The following ZSCAN23 variants were observed in gnomAD, a reference collection of about 807,000 sequenced individuals.
ZSCAN23 encodes zinc finger and SCAN domain containing 23, also known as zinc finger and SCAN domain-containing protein 23.
ZSCAN23 carries 19 observed loss-of-function variants against 19.3 expected under a neutral mutation model. The observed-to-expected ratio is 0.99, with a 90% CI of 0.69 to 1.45. The LOEUF (loss-of-function observed/expected upper bound fraction) is 1.45, where lower values mean the gene tolerates loss of function less well. Ranked by LOEUF, ZSCAN23 falls within the 40% of genes most tolerant of loss-of-function variation. The pLI, the probability that ZSCAN23 is intolerant of heterozygous loss-of-function variation, is 0.00. For synonymous variants in ZSCAN23, 140 were observed against 166.2 expected (o/e 0.84, Z 1.21); for missense variants, 372 against 462.5 (o/e 0.80, Z 1.79).
At chr6:28,427,992 C>T (rs1158271907), downstream of ZSCAN23, among the ~76,000 whole-genome samples, 3 of 152,176 alleles carry the variant, frequency 2.0e-5, no homozygotes, top group African/African-American at 4.8e-5. Flanking sequence ...GGCAGAATTA[C>T]TTGAACCCAG....
At chr6:28,422,684 G>A in the ZSCAN23 span, among the ~76,000 whole-genome samples, 2 of 150,890 alleles carry the variant, frequency 1.3e-5, no homozygotes, top group Non-Finnish European at 2.9e-5. The surrounding 1 kb of genome is among the most constrained non-coding windows in gnomAD (Gnocchi z 4.0). Flanking sequence ...AACCATGCAA[G>A]GTAACATGAG....
intron 1 of ZSCAN23, among the ~76,000 whole-genome samples, chr6:28,438,245 C>A (rs1323948641): frequency 6.6e-6 from 1 of 152,008 alleles, no homozygotes; most frequent in Non-Finnish European, 1.5e-5. Context: ...TACAGGCACC[C>A]ACTACCATGC....
At chr6:28,442,558 A>G (rs1238290710) in intron 1 of ZSCAN23, among the ~76,000 whole-genome samples, 2 of 152,218 alleles carry the variant, frequency 1.3e-5, no homozygotes, top group Non-Finnish European at 2.9e-5. Context: ...ATTCTCTCCA[A>G]TCAAATCCTA....
chr6:28,434,250 A>G lies in ZSCAN23; in HGVS notation c.*215T>C. The G allele has an allele frequency of 1.4e-5, 7 of 517,680 alleles. No individual in the cohort carries two copies. Among genetic ancestry groups the G allele is most frequent in the Non-Finnish European group, 2.0e-5 (6 of 299,926 alleles). 32.1% of individuals were successfully genotyped at this position (517,680 alleles called of 1,614,324 possible). On this transcript the variant is annotated 3_prime_UTR_variant, in exon 4 of 4. Transcript: ENST00000289788. ...CAGATGTGTGTGAAACTAGGTCTAC[A>G]GCATACATGATGAAATCAACACAAG...
intron 1 of ZSCAN23, among the ~76,000 whole-genome samples, chr6:28,441,553 G>T (rs1181846521): frequency 3.3e-5 from 5 of 151,748 alleles, no homozygotes; most frequent in South Asian, 2.1e-4. Flanking sequence ...TCTTCCAACT[G>T]CCCACTCATA....
chr6:28,429,725 T>A (rs1761721194), downstream of ZSCAN23, among the ~76,000 whole-genome samples: 1 of 151,992 alleles, frequency 6.6e-6, no homozygotes, highest in South Asian at 2.1e-4. Context: ...AAAATCCTGA[T>A]CCTGAGAGAT....
At chr6:28,425,813 T>C in the ZSCAN23 span, among the ~76,000 whole-genome samples, 3 of 152,348 alleles carry the variant, frequency 2.0e-5, no homozygotes, top group East Asian at 1.9e-4. Flanking sequence ...ATTAAAAATA[T>C]GTTGTTTAGT....
At chr6:28,421,807 A>G in the ZSCAN23 span, among the ~76,000 whole-genome samples, 1 of 152,134 alleles carries the variant, frequency 6.6e-6, no homozygotes, top group East Asian at 1.9e-4. Context: ...CATATATTAA[A>G]AGAAACTTAG....
At position 28,434,290 on chromosome 6, in the gene ZSCAN23, A is replaced by G. The variant is rs41270587; in HGVS notation, c.*175T>C. The G allele has an allele frequency of 9.0e-3, 5,953 of 659,500 alleles. 45 individuals are homozygous for G. The highest frequency in any genetic ancestry group is 0.047 in the Middle Eastern group (125 of 2,670). The allele number at this position is 659,500 out of a possible 1,614,324, so 40.9% of individuals were successfully genotyped here. A position where few individuals can be genotyped will look rare whatever the true frequency, so the allele number is the denominator to read the frequency against. ...ATCAACACAAGAGGCAACATTCAGT[A>G]TTGCAAAGCTGTGGATGTCACTGAT... On this transcript the variant is annotated 3_prime_UTR_variant, in exon 4 of 4. Coordinates refer to ENST00000289788, the MANE Select transcript of ZSCAN23 (RefSeq NM_001012455.2).
chr6:28,424,474 C>A, the ZSCAN23 span, among the ~76,000 whole-genome samples: 1 of 152,174 alleles, frequency 6.6e-6, no homozygotes, highest in Non-Finnish European at 1.5e-5. Flanking sequence ...TGAACTATTT[C>A]TCTGTGGTAT....
At chr6:28,435,828 G>C in intron 2 of ZSCAN23, 31 bp downstream of exon 2, 1 of 1,528,294 alleles carries the variant, frequency 6.5e-7, no homozygotes, top group Non-Finnish European at 8.8e-7. Flanking sequence ...TGTTCTTATA[G>C]GTACAAATCC....
the ZSCAN23 span, among the ~76,000 whole-genome samples, chr6:28,422,707 T>TAA: frequency 7.3e-6 from 1 of 136,376 alleles, no homozygotes; most frequent in African/African-American, 3.0e-5. This position sits in a 1 kb window ranked among gnomAD's most constrained non-coding sequence, Gnocchi z 4.0. Flanking sequence ...GCAGGATTTT[T>TAA]TAAAAAAAAC....
the ZSCAN23 span, among the ~76,000 whole-genome samples, chr6:28,421,532 G>T: frequency 6.6e-6 from 1 of 152,054 alleles, no homozygotes; most frequent in Non-Finnish European, 1.5e-5. Context: ...CACAGAAAAA[G>T]AGACAAACAG....
chr6:28,438,508 G>C (rs147684053), intron 1 of ZSCAN23, among the ~76,000 whole-genome samples: 2,508 of 152,314 alleles, frequency 0.016, 93 homozygotes, highest in South Asian at 0.13. Flanking sequence ...CCAAGACTGG[G>C]TAATTTATAA....
rs771487083 is a variant in ZSCAN23, at chr6:28,439,407, C to T, written c.-77-3064G>A. ...CAGCCTTCCTCCACTTTTCTTGGTGCGACTCACCACCACTGTGACTACCAT... is the reference window on the plus strand; with the variant it reads ...CAGCCTTCCTCCACTTTTCTTGGTGTGACTCACCACCACTGTGACTACCAT... On this transcript the variant is annotated intron_variant, in intron 1 of 3. Coordinates refer to ENST00000289788, the MANE Select transcript of ZSCAN23 (RefSeq NM_001012455.2). Among the ~76,000 whole-genome samples the T allele has an allele frequency of 3.9e-5, 6 of 152,030 alleles. No individual in the cohort carries two copies. In the East Asian group the frequency reaches 5.8e-4, roughly 15 times the overall value.
At chr6:28,429,155 T>C (rs1372298359), downstream of ZSCAN23, among the ~76,000 whole-genome samples, 1 of 152,184 alleles carries the variant, frequency 6.6e-6, no homozygotes, top group Non-Finnish European at 1.5e-5. Context: ...AGGGAAGTTA[T>C]CTTTAACGTT....
downstream of ZSCAN23, among the ~76,000 whole-genome samples, chr6:28,427,315 G>T (rs1309428648): frequency 6.6e-6 from 1 of 152,256 alleles, no homozygotes; most frequent in East Asian, 1.9e-4. Flanking sequence ...CCATAAGTTG[G>T]TTTTTGTAGC....
At chr6:28,442,955 T>A (rs1306627477) in intron 1 of ZSCAN23, among the ~76,000 whole-genome samples, 3 of 152,118 alleles carry the variant, frequency 2.0e-5, no homozygotes, top group Non-Finnish European at 2.9e-5. Flanking sequence ...TTTTAAAAAA[T>A]TCGATAGCAG....
the ZSCAN23 span, among the ~76,000 whole-genome samples, chr6:28,422,647 G>T: frequency 4.6e-5 from 7 of 152,138 alleles, no homozygotes; most frequent in African/African-American, 1.7e-4. This position sits in a 1 kb window ranked among gnomAD's most constrained non-coding sequence, Gnocchi z 4.0. Flanking sequence ...GGTTAAGGAA[G>T]TTGGCAGTAT....
Sources: allele counts gnomAD v4.1 joint callset (sites outside exome capture counted in the v4.1 genomes callset), GRCh38; gene constraint gnomAD v4.1.1; non-coding constraint Gnocchi (gnomAD v3.1); transcripts MANE v1.5; gene names NCBI Gene and HGNC (gene_info 2026-07-23, HGNC 2026-07-21).